The following TAFA4 variants were observed in gnomAD, a reference collection of about 807,000 sequenced individuals.
TAFA4 encodes the protein chemokine-like protein TAFA-4.
Under a neutral mutation model 21.1 loss-of-function variants are expected in TAFA4, and 20 were observed. The observed-to-expected ratio is 0.95, with a 90% CI of 0.67 to 1.38. The LOEUF (loss-of-function observed/expected upper bound fraction) is 1.38. TAFA4 is among the 40% of genes most tolerant of loss of function. The probability of loss-of-function intolerance (pLI) is 0.00; values close to 1 mark genes in which losing one functional copy is unlikely to be tolerated. For missense variants in TAFA4, 211 were observed against 180.9 expected (o/e 1.17, Z -0.95); for synonymous variants, 71 against 67.4 (o/e 1.05, Z -0.26).
chr3:68,796,899 C>T (rs1381144718), intron 3 of TAFA4, among the ~76,000 whole-genome samples: 1 of 152,118 alleles, frequency 6.6e-6, no homozygotes, highest in Non-Finnish European at 1.5e-5. Context: ...CATCACTAAT[C>T]ACAAGGGAAA....
chr3:68,838,309 C>T (rs1704572182), intron 3 of TAFA4, among the ~76,000 whole-genome samples: 1 of 152,068 alleles, frequency 6.6e-6, no homozygotes. Context: ...ACTGAGCTAC[C>T]AAAAATACTT....
chr3:68,862,098 C>T (rs1272402166), intron 3 of TAFA4, among the ~76,000 whole-genome samples: 1 of 151,980 alleles, frequency 6.6e-6, no homozygotes, highest in African/African-American at 2.4e-5. Context: ...AAGTGACCAC[C>T]ACACGCTTTC....
At chr3:68,845,550 A>G (rs903411734) in intron 3 of TAFA4, among the ~76,000 whole-genome samples, 1 of 152,184 alleles carries the variant, frequency 6.6e-6, no homozygotes, top group East Asian at 1.9e-4. Context: ...TGTGAATTTG[A>G]TGCTGTCATT....
At chr3:68,812,455 G>A (rs189790289) in intron 3 of TAFA4, among the ~76,000 whole-genome samples, 2 of 152,156 alleles carry the variant, frequency 1.3e-5, no homozygotes, top group East Asian at 3.9e-4. Flanking sequence ...ACACATATAG[G>A]CTCAAAATAA....
At chr3:68,760,693 G>A (rs994082463) in intron 3 of TAFA4, among the ~76,000 whole-genome samples, 1 of 152,192 alleles carries the variant, frequency 6.6e-6, no homozygotes, top group Non-Finnish European at 1.5e-5. Context: ...TGAAATGAAA[G>A]CAGAAAATGA....
chr3:68,883,921 G>T (rs2089644605), intron 2 of TAFA4, among the ~76,000 whole-genome samples: 1 of 151,916 alleles, frequency 6.6e-6, no homozygotes, highest in Non-Finnish European at 1.5e-5. Context: ...CAAAGAGTGA[G>T]ACCCTGTCTC....
chr3:68,814,135 C>T (rs1017263382), intron 3 of TAFA4, among the ~76,000 whole-genome samples: 9 of 152,164 alleles, frequency 5.9e-5, no homozygotes, highest in Non-Finnish European at 1.2e-4. Context: ...GCTAAAAACT[C>T]TCAATAAATT....
intron 1 of TAFA4, among the ~76,000 whole-genome samples, chr3:68,902,876 C>T (rs1432912545): frequency 1.3e-5 from 2 of 152,182 alleles, no homozygotes; most frequent in African/African-American, 2.4e-5. Context: ...CAAACAGATC[C>T]TGCTTGAGAA....
intron 3 of TAFA4, among the ~76,000 whole-genome samples, chr3:68,758,757 A>C (rs1475934597): frequency 6.6e-6 from 1 of 152,236 alleles, no homozygotes; most frequent in Admixed American, 6.5e-5. Context: ...TCAAAGCCTG[A>C]TGGCAGAAAA....
chr3:68,770,366 G>A (rs1408572151), intron 3 of TAFA4, among the ~76,000 whole-genome samples: 1 of 152,198 alleles, frequency 6.6e-6, no homozygotes, highest in African/African-American at 2.4e-5. Flanking sequence ...GTTCTGAAAT[G>A]CCCAGAAAGA....
At chr3:68,879,429 G>A (rs905407964) in intron 3 of TAFA4, among the ~76,000 whole-genome samples, 2 of 152,024 alleles carry the variant, frequency 1.3e-5, no homozygotes, top group Non-Finnish European at 2.9e-5. Flanking sequence ...AATGGGAGTG[G>A]GTGGTAATCC....
At chr3:68,824,117 G>T (rs556649350) in intron 3 of TAFA4, among the ~76,000 whole-genome samples, 2 of 152,232 alleles carry the variant, frequency 1.3e-5, no homozygotes, top group South Asian at 4.1e-4. Flanking sequence ...CTAAATAACT[G>T]CCCTAAGTTA....
intron 3 of TAFA4, among the ~76,000 whole-genome samples, chr3:68,799,744 C>T (rs1703533885): frequency 1.3e-5 from 2 of 152,174 alleles, no homozygotes; most frequent in South Asian, 2.1e-4. Context: ...CTGAAAGGGG[C>T]AAAGAGATCG....
At chr3:68,757,107 G>A (rs1702673633) in intron 3 of TAFA4, among the ~76,000 whole-genome samples, 1 of 152,072 alleles carries the variant, frequency 6.6e-6, no homozygotes, top group Admixed American at 6.5e-5. Flanking sequence ...AAATACCATA[G>A]ACATAGACTG....
intron 5 of TAFA4, among the ~76,000 whole-genome samples, chr3:68,734,368 T>C (rs962417874): frequency 4.6e-5 from 7 of 151,930 alleles, no homozygotes; most frequent in Admixed American, 1.3e-4. Flanking sequence ...ATTAATAATA[T>C]GGGCAATGGA....
chr3:68,848,881 C>G (rs971677416), intron 3 of TAFA4, among the ~76,000 whole-genome samples: 1 of 151,964 alleles, frequency 6.6e-6, no homozygotes, highest in African/African-American at 2.4e-5. Context: ...TCAGCTCACC[C>G]AACAGAAATA....
chr3:68,892,624 C>G (rs1204150592), intron 1 of TAFA4, among the ~76,000 whole-genome samples: 1 of 152,198 alleles, frequency 6.6e-6, no homozygotes, highest in East Asian at 1.9e-4. Context: ...AAACGCTCTT[C>G]TAGTCAGAGA....
chr3:68,853,392 G>GT (rs1190918414), intron 3 of TAFA4, among the ~76,000 whole-genome samples: 2 of 151,962 alleles, frequency 1.3e-5, no homozygotes, highest in Non-Finnish European at 2.9e-5. Flanking sequence ...TAAATGCATG[G>GT]TTTATCATTT....
intron 1 of TAFA4, among the ~76,000 whole-genome samples, chr3:68,893,888 TATA>T (rs1292044618): frequency 6.6e-6 from 1 of 152,228 alleles, no homozygotes; most frequent in Non-Finnish European, 1.5e-5. Context: ...TTAACTGGTT[TATA>T]ATATGTATGT....
Sources: gnomAD v4.1 joint callset for allele counts (sites outside exome capture counted in the v4.1 genomes callset) on GRCh38, gnomAD v4.1.1 for gene constraint, MANE v1.5 for transcripts, NCBI Gene and HGNC (gene_info 2026-07-23, HGNC 2026-07-21) for gene names.